The following RBFOX1 variants were observed in gnomAD, a reference collection of about 807,000 sequenced individuals.
RBFOX1 encodes RNA binding fox-1 homolog 1, also known as RNA binding protein fox-1 homolog 1.
In RBFOX1, 8 loss-of-function variants were observed where a neutral mutation model predicts 57.7. The ratio of observed to expected loss-of-function variants is 0.14; its 90% CI spans 0.08 to 0.25. The LOEUF (loss-of-function observed/expected upper bound fraction) is 0.25, where lower values mean the gene tolerates loss of function less well. Ranked by LOEUF, RBFOX1 falls within the 10% of genes least tolerant of loss-of-function variation. The pLI is 1.00. For missense variants in RBFOX1, 611 were observed against 548.5 expected (o/e 1.11, Z -1.14); for synonymous variants, 326 against 222.4 (o/e 1.47, Z -4.15).
chr16:6,074,334 A>G (rs975961320), intron 1 of RBFOX1, among the ~76,000 whole-genome samples: 2 of 152,124 alleles, frequency 1.3e-5, no homozygotes, highest in Non-Finnish European at 2.9e-5. Flanking sequence ...ACCTGTGACT[A>G]GTAATTCCAG....
chr16:5,993,616 T>A (rs2060443618), intron 4 of RBFOX1, among the ~76,000 whole-genome samples: 1 of 152,146 alleles, frequency 6.6e-6, no homozygotes, highest in African/African-American at 2.4e-5. Context: ...TTGATATGTT[T>A]AAGATTAATG....
rs148866496 is a variant in RBFOX1 at position 5,549,356 on chromosome 16, C to G, written c.259-49546C>G. ...GGTCCCCTGCTGGTAACTGGATCTG[C>G]TTCTTCAAGCTGTGGGACCCTCAGT... On this transcript the variant is annotated intron_variant, in intron 2 of 2. Transcript: ENST00000585867. Among the ~76,000 whole-genome samples the G allele has an allele frequency of 1.9e-3, 293 of 152,292 alleles. 4 individuals carry two copies. Among genetic ancestry groups the G allele is most frequent in the African/African-American group, 6.0e-3 (251 of 41,564 alleles).
At chr16:6,729,543 C>T (rs926591587) in intron 3 of RBFOX1, among the ~76,000 whole-genome samples, 14 of 152,132 alleles carry the variant, frequency 9.2e-5, no homozygotes, top group Non-Finnish European at 2.9e-5. Context: ...ATACAGCTGC[C>T]TGGAAAGCCT....
chr16:7,501,209 C>G (rs1258194679), intron 4 of RBFOX1, among the ~76,000 whole-genome samples: 1 of 152,134 alleles, frequency 6.6e-6, no homozygotes, highest in African/African-American at 2.4e-5. Flanking sequence ...TCCTATTTAC[C>G]TAAAGTGACT....
chr16:7,563,219 C>G (rs1443732770), intron 5 of RBFOX1, among the ~76,000 whole-genome samples: 2 of 152,192 alleles, frequency 1.3e-5, no homozygotes, highest in Admixed American at 6.5e-5. Flanking sequence ...TAATCAGCCA[C>G]TCTTCTCGAT....
chr16:7,346,615 G>T (rs920226120), intron 4 of RBFOX1, among the ~76,000 whole-genome samples: 1 of 151,790 alleles, frequency 6.6e-6, no homozygotes, highest in Admixed American at 6.6e-5. Context: ...ATCATGGTGT[G>T]TGTCCCATGT....
chr16:5,712,679 C>T (rs2051537600), intron 3 of RBFOX1, among the ~76,000 whole-genome samples: 1 of 152,218 alleles, frequency 6.6e-6, no homozygotes, highest in Non-Finnish European at 1.5e-5. Flanking sequence ...TCACGTGGTT[C>T]ATAAATAGCA....
At chr16:7,375,119 C>T (rs896952527) in intron 4 of RBFOX1, among the ~76,000 whole-genome samples, 5 of 152,186 alleles carry the variant, frequency 3.3e-5, no homozygotes, top group African/African-American at 7.2e-5. Flanking sequence ...CTAGCCATTA[C>T]GCATTATCCT....
chr16:7,480,701 G>C lies in RBFOX1; in HGVS notation c.28-37446G>C, dbSNP rs1158173522. 5.9e-5 allele frequency among the ~76,000 whole-genome samples: 9 copies of C among 152,216 alleles called. No homozygotes were observed. The South Asian group carries it at 8.3e-4, about 14-fold the overall frequency. The stretch of plus-strand genomic sequence containing the variant: ...GAGCTGGAAGCACAGGCCACTTTCT[G>C]CTGCCGAGAAATCTTCTGCCCTCCG... On this transcript the variant is annotated intron_variant, in intron 4 of 15. Transcript: ENST00000550418.
chr16:7,216,666 A>G (rs780316348), intron 4 of RBFOX1, among the ~76,000 whole-genome samples: 2 of 75,120 alleles, frequency 2.7e-5, no homozygotes, highest in Non-Finnish European at 6.6e-5. Context: ...AAAATAAAAT[A>G]AAAATTAAAA....
At chr16:6,236,525 C>T (rs2097506307) in intron 1 of RBFOX1, among the ~76,000 whole-genome samples, 1 of 151,892 alleles carries the variant, frequency 6.6e-6, no homozygotes, top group Non-Finnish European at 1.5e-5. Context: ...ACCTCTGTCT[C>T]CTGGGTTCAA....
chr16:6,778,205 G>T (rs1055582427), intron 3 of RBFOX1, among the ~76,000 whole-genome samples: 1 of 151,944 alleles, frequency 6.6e-6, no homozygotes, highest in Non-Finnish European at 1.5e-5. Flanking sequence ...CAGTCTCCCT[G>T]GTCATTTTTG....
At chr16:5,728,115 A>G (rs1374564235) in intron 3 of RBFOX1, among the ~76,000 whole-genome samples, 1 of 152,244 alleles carries the variant, frequency 6.6e-6, no homozygotes, top group Non-Finnish European at 1.5e-5. Flanking sequence ...TGGACATTCA[A>G]AAGAAATAAA....
At chr16:7,469,023 G>A (rs1000740732) in intron 4 of RBFOX1, among the ~76,000 whole-genome samples, 2 of 151,556 alleles carry the variant, frequency 1.3e-5, no homozygotes, top group African/African-American at 2.4e-5. Flanking sequence ...AAGCTCCACC[G>A]CCCAGGTTCA....
chr16:5,490,468 A>G (rs1354232089), intron 2 of RBFOX1, among the ~76,000 whole-genome samples: 1 of 152,200 alleles, frequency 6.6e-6, no homozygotes, highest in African/African-American at 2.4e-5. Context: ...GGAGGCAGAG[A>G]GAGGCGTCCT....
chr16:5,846,861 C>A (rs903974373), intron 3 of RBFOX1, among the ~76,000 whole-genome samples: 2 of 152,160 alleles, frequency 1.3e-5, no homozygotes, highest in African/African-American at 4.8e-5. Flanking sequence ...AGAGCAGCTG[C>A]GGAGAAGGAC....
intron 4 of RBFOX1, among the ~76,000 whole-genome samples, chr16:7,337,961 G>A (rs1394500304): frequency 6.6e-6 from 1 of 152,196 alleles, no homozygotes; most frequent in Non-Finnish European, 1.5e-5. Context: ...GGGATTACAG[G>A]CATGAGCCAC....
intron 2 of RBFOX1, among the ~76,000 whole-genome samples, chr16:6,615,944 A>C (rs2098134996): frequency 1.3e-5 from 2 of 152,160 alleles, no homozygotes; most frequent in South Asian, 4.1e-4. Flanking sequence ...CTATCTGTGA[A>C]CAGTGGTACC....
intron 4 of RBFOX1, among the ~76,000 whole-genome samples, chr16:7,055,818 C>T (rs1355407230): frequency 6.6e-6 from 1 of 152,148 alleles, no homozygotes; most frequent in Admixed American, 6.5e-5. Context: ...AAAAGGAATT[C>T]ACAGGGGTCC....
Sources: allele counts gnomAD v4.1 joint callset (sites outside exome capture counted in the v4.1 genomes callset), GRCh38; gene constraint gnomAD v4.1.1; transcripts MANE v1.5; gene names NCBI Gene and HGNC (gene_info 2026-07-23, HGNC 2026-07-21).